Variants in TDRD7 observed in about 807,000 individuals in gnomAD.
TDRD7 encodes tudor domain containing 7.
A neutral mutation model predicts 109.8 loss-of-function variants in TDRD7; 47 were observed. That is an observed-to-expected ratio of 0.43 (90% CI 0.34 to 0.55). The LOEUF (loss-of-function observed/expected upper bound fraction) is 0.55, where lower values mean the gene tolerates loss of function less well. Ranked by LOEUF, TDRD7 falls within the 20% of genes least tolerant of loss-of-function variation. The probability of loss-of-function intolerance (pLI) is 0.03; values close to 1 mark genes in which losing one functional copy is unlikely to be tolerated. For missense variants in TDRD7, 1,164 were observed against 1,319.2 expected, an observed-to-expected ratio of 0.88 and a Z score of 1.82; for synonymous variants, 424 against 457.3, an observed-to-expected ratio of 0.93 and a Z score of 0.93.
At chr9:97,425,365 A>G (rs1827969972) in intron 1 of TDRD7, among the ~76,000 whole-genome samples, 1 of 152,178 alleles carries the variant, frequency 6.6e-6, no homozygotes, top group South Asian at 2.1e-4. Context: ...TACCTTATCT[A>G]TGCTCAGATA....
At chr9:97,487,705 A>G (rs1268548393) in intron 16 of TDRD7, among the ~76,000 whole-genome samples, 1 of 151,752 alleles carries the variant, frequency 6.6e-6, no homozygotes, top group African/African-American at 2.4e-5. Context: ...TGGGTGCAAA[A>G]ATTCTATCTA....
In TDRD7 at chr9:97,484,652, C is replaced by T. The variant is rs117764729; in HGVS notation, c.2915+1301C>T. On this transcript the variant is annotated intron_variant, in intron 15 of 16. Transcript: ENST00000355295. ...GTGAAGCGTATAAAAGCTCTCATTTCGAAAAACATACAATTTGTATGTCAT... is the reference window on the plus strand; with the variant it reads ...GTGAAGCGTATAAAAGCTCTCATTTTGAAAAACATACAATTTGTATGTCAT... Among the ~76,000 whole-genome samples the T allele has an allele frequency of 8.3e-3, 1,262 of 152,224 alleles. 44 individuals carry two copies. The East Asian group carries it at 0.11, about 13-fold the overall frequency.
chr9:97,418,824 T>C (rs1292901091), intron 1 of TDRD7, among the ~76,000 whole-genome samples: 5 of 152,192 alleles, frequency 3.3e-5, no homozygotes. Context: ...CGACATTTTT[T>C]CCCCATAAAT....
intron 4 of TDRD7, among the ~76,000 whole-genome samples, chr9:97,434,567 C>A (rs1041109463): frequency 6.6e-6 from 1 of 152,030 alleles, no homozygotes; most frequent in Non-Finnish European, 1.5e-5. Flanking sequence ...ACAGTGTACA[C>A]GTATCAAAAT....
chr9:97,427,476 A>T (rs1828019099), intron 1 of TDRD7, among the ~76,000 whole-genome samples: 1 of 152,166 alleles, frequency 6.6e-6, no homozygotes, highest in African/African-American at 2.4e-5. Context: ...GATGTCAAGT[A>T]CCCCATATAA....
At position 97,480,928 on chromosome 9, in the gene TDRD7, G is replaced by A; in HGVS notation, c.2402G>A (p.Cys801Tyr). ...GATTCTGTTTTGAATTGCTCGGACT[G>A]TAGCATTAAGGTTAGCTATCTTGTT... The part of the protein sequence containing the change: ...LRDSVLNCSD[C>Y]SIKVTKVDET... The change falls in exon 14 of 17, where the codon TGT becomes TAT. Residue 801 changes from cysteine to tyrosine, a missense_variant. By Grantham distance (194) the Cys-to-Tyr change is radical. Around this residue, in one of 5 missense-constraint regions of TDRD7, gnomAD observed 233 missense variants for 218.0 expected, o/e 1.07. Transcript: ENST00000355295. The A allele has an allele frequency of 6.2e-7, 1 of 1,613,794 alleles. No individual in the cohort carries two copies. Among genetic ancestry groups the A allele is most frequent in the South Asian group, 1.1e-5 (1 of 91,088 alleles).
At position 97,470,351 on chromosome 9, in the gene TDRD7, C is replaced by T. The variant is rs148184442; in HGVS notation, c.1630-207C>T. Among the ~76,000 whole-genome samples the T allele has an allele frequency of 2.1e-3, 323 of 152,200 alleles. 1 individual carries two copies. Among genetic ancestry groups the T allele is most frequent in the Non-Finnish European group, 4.0e-3 (274 of 68,006 alleles). ...GGTAGGGTGAGGTAGAAGACTGGGA[C>T]CTGGAACTAGGACCCCTGGTTTCCT... On this transcript the variant is annotated intron_variant, in intron 8 of 16. Transcript: ENST00000355295.
chr9:97,426,394 G>T (rs1440590786), intron 1 of TDRD7, among the ~76,000 whole-genome samples: 1 of 152,020 alleles, frequency 6.6e-6, no homozygotes, highest in Non-Finnish European at 1.5e-5. Flanking sequence ...TGGGACTATA[G>T]ACATATGCTG....
chr9:97,475,257 C>T, intron 11 of TDRD7, 126 bp from the exon 12 acceptor site: 3 of 748,930 alleles, frequency 4.0e-6, no homozygotes, highest in South Asian at 1.5e-5. Flanking sequence ...TTGCTGCATC[C>T]ATTGCTGGAA....
intron 7 of TDRD7, 48 bp from the exon 8 acceptor site, chr9:97,464,794 C>T: frequency 3.1e-6 from 5 of 1,606,974 alleles, no homozygotes; most frequent in Non-Finnish European, 4.3e-6. Flanking sequence ...TATTGCTTTT[C>T]TTCTTCTAGG....
intron 6 of TDRD7, among the ~76,000 whole-genome samples, chr9:97,450,140 T>C (rs898959579): frequency 6.6e-6 from 1 of 151,896 alleles, no homozygotes; most frequent in Non-Finnish European, 1.5e-5. Context: ...TCATCTTTAA[T>C]GTTACCTGTC....
At chr9:97,417,270 G>C (rs144898197) in intron 1 of TDRD7, among the ~76,000 whole-genome samples, 261 of 152,222 alleles carry the variant, frequency 1.7e-3, no homozygotes, top group African/African-American at 5.9e-3. Flanking sequence ...GGTTATGCAG[G>C]GCCCTTTTTG....
chr9:97,460,407 C>A lies in TDRD7; in HGVS notation c.1085C>A (p.Pro362Gln), dbSNP rs768158623. The change falls in exon 7 of 17, where the codon CCG becomes CAG. Residue 362 changes from proline (P) to glutamine (Q), a missense_variant. By Grantham distance (76) the Pro-to-Gln change is moderately conservative. Around this residue, in one of 5 missense-constraint regions of TDRD7, gnomAD observed 407 missense variants for 394.0 expected, o/e 1.03. Transcript: ENST00000355295. ...AGTGGCCTTTGGGCCAGTGCACTTC[C>A]GAAAGCATTTGAGGAAATGTACAAA... ...YTSGLWASALPKAFEEMYKVK... is the reference protein window; with the variant it reads ...YTSGLWASALQKAFEEMYKVK... The A allele has an allele frequency of 6.2e-7, 1 of 1,614,046 alleles. No individual in the cohort carries two copies. Among genetic ancestry groups the A allele is most frequent in the African/African-American group, 1.3e-5 (1 of 74,916 alleles).
intron 1 of TDRD7, among the ~76,000 whole-genome samples, chr9:97,417,304 G>T (rs1461944682): frequency 6.6e-6 from 1 of 152,126 alleles, no homozygotes; most frequent in Non-Finnish European, 1.5e-5. Context: ...TTGGCTTTTT[G>T]TCTGAGTTAA....
chr9:97,434,412 A>G (rs1301007690), intron 4 of TDRD7, among the ~76,000 whole-genome samples: 2 of 152,138 alleles, frequency 1.3e-5, no homozygotes, highest in African/African-American at 4.8e-5. Context: ...AATAGGTTCA[A>G]TACATCTGTT....
rs1481166117 is a variant in TDRD7 at position 97,412,531 on chromosome 9, G to A, written c.-7+293G>A. The stretch of plus-strand genomic sequence containing the variant: ...CGGGAGTCGGACGGAGCCTCCTGCC[G>A]CCTCGGAAGCTCTGCGCCGTGGGGG... On this transcript the variant is annotated intron_variant, in intron 1 of 16. Transcript: ENST00000355295. The surrounding 1 kb of genome is among the most constrained non-coding windows in gnomAD (Gnocchi z 4.3). Among the ~76,000 whole-genome samples, 2 of 152,316 alleles carry A rather than the reference G, an allele frequency of 1.3e-5. No individual in the cohort carries two copies. The highest frequency in any genetic ancestry group is 3.9e-4 in the East Asian group (2 of 5,168).
intron 10 of TDRD7, 51 bp from the exon 11 acceptor site, chr9:97,473,441 G>T (rs1828955803): frequency 6.2e-7 from 1 of 1,612,138 alleles, no homozygotes; most frequent in Admixed American, 1.7e-5. Context: ...AGGTAGGTAA[G>T]AGCTGCATTC....
intron 1 of TDRD7, among the ~76,000 whole-genome samples, chr9:97,418,784 C>T (rs1284922971): frequency 6.6e-6 from 1 of 152,166 alleles, no homozygotes; most frequent in Non-Finnish European, 1.5e-5. Flanking sequence ...GTTTTAGTAA[C>T]AGGACACCCA....
At chr9:97,444,748 A>G (rs1828370470) in intron 6 of TDRD7, among the ~76,000 whole-genome samples, 1 of 152,210 alleles carries the variant, frequency 6.6e-6, no homozygotes, top group Admixed American at 6.5e-5. Flanking sequence ...ATTCTATATT[A>G]AAAGATTGAA....
Sources: gnomAD v4.1 joint callset for allele counts (sites outside exome capture counted in the v4.1 genomes callset) on GRCh38, gnomAD v4.1.1 for gene constraint, gnomAD v4.1.1 regional missense constraint, Gnocchi (gnomAD v3.1) non-coding constraint, MANE v1.5 for transcripts, NCBI Gene and HGNC (gene_info 2026-07-23, HGNC 2026-07-21) for gene names.